The following UNC13C variants were observed in gnomAD, a reference collection of about 807,000 sequenced individuals.
UNC13C encodes protein unc-13 homolog C.
In UNC13C, 174 loss-of-function variants were observed where a neutral mutation model predicts 245.4. The ratio of observed to expected loss-of-function variants is 0.71; its 90% confidence interval spans 0.63 to 0.80. UNC13C has a LOEUF of 0.80. Among genes scored for constraint, UNC13C ranks in the 30% least tolerant of loss-of-function variants. The pLI is 0.00. For missense variants in UNC13C, 2,829 were observed against 2,602.9 expected (o/e 1.09, Z -1.89); for synonymous variants, 992 against 895.1 (o/e 1.11, Z -1.93).
At chr15:54,100,581 G>A (rs551738585) in intron 2 of UNC13C, among the ~76,000 whole-genome samples, 2 of 151,786 alleles carry the variant, frequency 1.3e-5, no homozygotes, top group African/African-American at 4.8e-5. Flanking sequence ...TTTTTATGCT[G>A]AGAATTTAGT....
At chr15:54,403,154 T>C (rs1480438777) in intron 18 of UNC13C, among the ~76,000 whole-genome samples, 1 of 152,232 alleles carries the variant, frequency 6.6e-6, no homozygotes, top group Non-Finnish European at 1.5e-5. Context: ...ATTTACCCCA[T>C]GCACATCACA....
intron 2 of UNC13C, among the ~76,000 whole-genome samples, chr15:54,122,976 C>G (rs909285584): frequency 6.6e-6 from 1 of 151,894 alleles, no homozygotes; most frequent in African/African-American, 2.4e-5. Context: ...TAGTGGAATA[C>G]CTTGGTTATA....
chr15:54,603,674 C>T (rs187586750), intron 30 of UNC13C, among the ~76,000 whole-genome samples: 2 of 152,026 alleles, frequency 1.3e-5, no homozygotes, highest in African/African-American at 4.8e-5. Flanking sequence ...CTATCCTGGG[C>T]AACATGGTGA....
intron 5 of UNC13C, among the ~76,000 whole-genome samples, chr15:54,236,104 T>C (rs1178007107): frequency 6.6e-6 from 1 of 152,082 alleles, no homozygotes; most frequent in African/African-American, 2.4e-5. Context: ...TAATATTATA[T>C]GTGATATGAA....
intron 17 of UNC13C, among the ~76,000 whole-genome samples, chr15:54,361,564 G>T (rs2039231410): frequency 6.6e-6 from 1 of 152,162 alleles, no homozygotes. Context: ...GTTTAACAAT[G>T]CTTGCATTGA....
At chr15:54,600,428 A>T (rs1899348135) in intron 30 of UNC13C, among the ~76,000 whole-genome samples, 1 of 152,114 alleles carries the variant, frequency 6.6e-6, no homozygotes, top group Non-Finnish European at 1.5e-5. Flanking sequence ...TATTCAGAGT[A>T]TAGGGGAGCA....
At position 54,038,099 on chromosome 15, in the gene UNC13C, C is replaced by CATAT. The variant is rs1399556197; in HGVS notation, c.2983+22236_2983+22239dup. Among the ~76,000 whole-genome samples, 296 of 67,124 alleles carry CATAT rather than the reference C, an allele frequency of 4.4e-3. 10 individuals are homozygous for CATAT. Among genetic ancestry groups the CATAT allele is most frequent in the South Asian group, 7.2e-3 (11 of 1,534 alleles). The allele number at this position is 67,124 out of a possible 152,430, so 44.0% of individuals were successfully genotyped here. ...ATATGTGTGTGTGTATATACATATACATATATATATATATATATATATATA... is the reference window on the plus strand; with the variant it reads ...ATATGTGTGTGTGTATATACATATACATATATATATATATATATATATATATATA... On this transcript the variant is annotated intron_variant, in intron 2 of 32. Transcript: ENST00000260323.
intron 10 of UNC13C, among the ~76,000 whole-genome samples, chr15:54,277,164 G>A (rs1053088953): frequency 6.6e-6 from 1 of 151,976 alleles, no homozygotes; most frequent in Non-Finnish European, 1.5e-5. Flanking sequence ...ATTTTTATCA[G>A]CATCTCCACA....
At chr15:54,302,627 T>G (rs947642073) in intron 13 of UNC13C, among the ~76,000 whole-genome samples, 6 of 152,186 alleles carry the variant, frequency 3.9e-5, no homozygotes, top group Admixed American at 6.5e-5. Context: ...TACTGAGGCC[T>G]CTGTTCTGTT....
At position 54,013,818 on chromosome 15, in the gene UNC13C, C is replaced by G; in HGVS notation, c.915C>G (p.Ile305Met). 6.2e-7 allele frequency: 1 copy of G among 1,612,050 alleles called. No homozygotes were observed. Among genetic ancestry groups the G allele is most frequent in the Non-Finnish European group, 8.5e-7 (1 of 1,179,286 alleles). The part of the protein sequence containing the change: ...FVQSRRETRD[I>M]HDYIKHLGHM... ...AGTCTCGGAGGGAAACTAGAGACAT[C>G]CATGATTATATTAAGCACTTAGGTC... The change falls in exon 2 of 33, where the codon ATC becomes ATG. Residue 305 changes from isoleucine (I) to methionine (M), a missense_variant. Physicochemically the swap from Ile to Met is conservative, Grantham distance 10. Coordinates refer to ENST00000260323, the MANE Select transcript of UNC13C (RefSeq NM_001080534.3).
intron 13 of UNC13C, among the ~76,000 whole-genome samples, chr15:54,318,619 G>A: frequency 6.6e-6 from 1 of 151,606 alleles, no homozygotes; most frequent in East Asian, 2.0e-4. Flanking sequence ...ATATGGTTTG[G>A]GTATTAACAC....
chr15:53,914,796 G>C, the UNC13C span: 1 of 152,078 alleles, frequency 6.6e-6, no homozygotes, highest in South Asian at 2.1e-4. Context: ...TCGTGAACCT[G>C]ATACAGGCTC....
intron 13 of UNC13C, among the ~76,000 whole-genome samples, chr15:54,311,730 T>C (rs2037878199): frequency 6.6e-6 from 1 of 151,808 alleles, no homozygotes; most frequent in African/African-American, 2.4e-5. Flanking sequence ...TAGAAATTAC[T>C]TGTCAGTAAT....
chr15:54,574,435 T>C (rs1321083537), intron 30 of UNC13C, among the ~76,000 whole-genome samples: 5 of 152,216 alleles, frequency 3.3e-5, no homozygotes. Context: ...AACTATTTCA[T>C]GATACCAAGG....
At chr15:54,520,211 G>T (rs1895156035) in intron 24 of UNC13C, among the ~76,000 whole-genome samples, 1 of 152,090 alleles carries the variant, frequency 6.6e-6, no homozygotes, top group Non-Finnish European at 1.5e-5. Flanking sequence ...AAGGCAGGTG[G>T]ATAAAACATT....
Position 54,568,007 on chromosome 15 carries a change from T to G in UNC13C, c.6106+60T>G, listed in dbSNP as rs1254925970. The G allele has an allele frequency of 4.7e-6, 6 of 1,280,138 alleles. No individual in the cohort carries two copies. The East Asian group carries it at 1.0e-4, about 22-fold the overall frequency. 79.3% of individuals were successfully genotyped at this position (1,280,138 alleles called of 1,614,324 possible). On this transcript the variant is annotated intron_variant, in intron 30 of 32. Transcript: ENST00000260323. ...CTGAATACTAAAATAAAATTTAACATCAGAATTATTATACATAGTCCCAAT... is the reference window on the plus strand; with the variant it reads ...CTGAATACTAAAATAAAATTTAACAGCAGAATTATTATACATAGTCCCAAT...
chr15:54,104,488 T>C (rs1024075931), intron 2 of UNC13C, among the ~76,000 whole-genome samples: 3 of 152,114 alleles, frequency 2.0e-5, no homozygotes, highest in Admixed American at 1.3e-4. Flanking sequence ...AATATTCTTA[T>C]CTGTTTTATT....
chr15:54,278,369 C>T (rs2036889743), intron 10 of UNC13C, among the ~76,000 whole-genome samples: 1 of 152,074 alleles, frequency 6.6e-6, no homozygotes, highest in South Asian at 2.1e-4. Flanking sequence ...CTTTAGATTT[C>T]TTTGAGTAGA....
At chr15:54,544,495 G>A (rs1260632655) in intron 26 of UNC13C, among the ~76,000 whole-genome samples, 3 of 152,178 alleles carry the variant, frequency 2.0e-5, no homozygotes, top group Non-Finnish European at 4.4e-5. Flanking sequence ...TAGGAAAAGA[G>A]GAAGTCAAAT....
Sources: gnomAD v4.1 joint callset for allele counts (sites outside exome capture counted in the v4.1 genomes callset) on GRCh38, gnomAD v4.1.1 for gene constraint, MANE v1.5 for transcripts, NCBI Gene and HGNC (gene_info 2026-07-23, HGNC 2026-07-21) for gene names.